Variants in KMT2E observed in about 807,000 individuals in gnomAD.
KMT2E encodes the protein lysine methyltransferase 2E (inactive).
KMT2E carries 30 observed loss-of-function variants against 184.6 expected under a neutral mutation model. That is an observed-to-expected ratio of 0.16 (90% CI 0.12 to 0.22). KMT2E has a LOEUF of 0.22. Among genes scored for constraint, KMT2E ranks in the 10% least tolerant of loss-of-function variants. The pLI, the probability that KMT2E is intolerant of heterozygous loss-of-function variation, is 1.00. For synonymous variants in KMT2E, 815 were observed against 776.5 expected (o/e 1.05, Z -0.82); for missense variants, 2,023 against 2,237.4 (o/e 0.90, Z 1.93).
At position 105,078,974 on chromosome 7, in the gene KMT2E, AG is replaced by A. The variant is rs1302283138; in HGVS notation, c.1248+12del. On this transcript the variant is annotated intron_variant, in intron 12 of 26. Transcript: ENST00000311117. The stretch of plus-strand genomic sequence containing the variant: ...ACACCCAATGCAGAGGTAAGCTTAT[AG>A]AAATTTTTTGGGGAGATGTGGGTGC... The A allele has an allele frequency of 6.5e-7, 1 of 1,534,222 alleles. No individual in the cohort carries two copies. The highest frequency in any genetic ancestry group is 9.0e-7 in the Non-Finnish European group (1 of 1,108,252).
At chr7:105,063,734 T>A (rs1796914094) in intron 5 of KMT2E, 154 bp downstream of exon 5, 1 of 585,780 alleles carries the variant, frequency 1.7e-6, no homozygotes, top group Non-Finnish European at 2.9e-6. Context: ...AAAAGCCTCC[T>A]ATGTGAAAAA....
At chr7:105,058,533 A>C (rs1413584611) in intron 3 of KMT2E, among the ~76,000 whole-genome samples, 4 of 152,200 alleles carry the variant, frequency 2.6e-5, no homozygotes, top group Non-Finnish European at 4.4e-5. Flanking sequence ...AGCAGTCAGC[A>C]CCTAAGTATT....
intron 7 of KMT2E, 55 bp downstream of exon 7, chr7:105,073,732 G>A (rs1412540173): frequency 7.8e-6 from 8 of 1,028,424 alleles, no homozygotes; most frequent in African/African-American, 3.2e-5. Flanking sequence ...GAGAATAAAC[G>A]GTTCTCTCAA....
Position 105,105,933 on chromosome 7 carries a change from A to G in KMT2E, c.2526A>G (p.Arg842=), listed in dbSNP as rs774521578. 1 of 1,613,878 alleles carries G rather than the reference A, an allele frequency of 6.2e-7. No individual in the cohort carries two copies. The highest frequency in any genetic ancestry group is 1.1e-5 in the South Asian group (1 of 91,044). Residue 842 remains arginine, a synonymous_variant, in exon 19 of 27, where the codon AGA becomes AGG. Transcript: ENST00000311117. ...LHRFNSPCQE[R]SRSPAVNGEN... ...GATTTAATTCACCCTGTCAAGAAAG[A>G]TCCAGAAGTCCTGCAGTCAATGGTG...
At chr7:105,021,128 C>G (rs1322027274) in intron 1 of KMT2E, among the ~76,000 whole-genome samples, 1 of 152,158 alleles carries the variant, frequency 6.6e-6, no homozygotes, top group Non-Finnish European at 1.5e-5. Flanking sequence ...TGGGAAGATT[C>G]ATGATGTGAC....
chr7:105,034,210 A>T (rs1489682136), intron 1 of KMT2E, among the ~76,000 whole-genome samples: 1 of 152,174 alleles, frequency 6.6e-6, no homozygotes, highest in East Asian at 1.9e-4. Flanking sequence ...AAATTGTGGT[A>T]CAATGTCCTG....
intron 1 of KMT2E, among the ~76,000 whole-genome samples, chr7:105,020,234 G>A (rs930163654): frequency 1.1e-4 from 16 of 152,178 alleles, no homozygotes; most frequent in Non-Finnish European, 2.2e-4. Flanking sequence ...AGCATTTAAG[G>A]TCATGCCTGT....
At chr7:105,019,746 G>A (rs1794870127) in intron 1 of KMT2E, among the ~76,000 whole-genome samples, 1 of 152,104 alleles carries the variant, frequency 6.6e-6, no homozygotes, top group Admixed American at 6.5e-5. Context: ...CTCTTAGGCT[G>A]CTTAATTTAG....
chr7:105,025,966 A>G (rs1795160698), intron 1 of KMT2E, among the ~76,000 whole-genome samples: 1 of 152,212 alleles, frequency 6.6e-6, no homozygotes, highest in Non-Finnish European at 1.5e-5. Context: ...ACTGTGGACA[A>G]TGCATTATTG....
intron 1 of KMT2E, among the ~76,000 whole-genome samples, chr7:105,017,896 CTGA>C (rs1794784939): frequency 6.6e-6 from 1 of 152,186 alleles, no homozygotes; most frequent in African/African-American, 2.4e-5. Flanking sequence ...CTCTGTAAGA[CTGA>C]TAACTGCCCT....
At position 105,107,815 on chromosome 7, in the gene KMT2E, A is replaced by G. The variant is rs1205531349; in HGVS notation, c.3358A>G (p.Thr1120Ala). The change falls in exon 22 of 27, where the codon ACT becomes GCT. Residue 1120 changes from threonine (T) to alanine (A), a missense_variant. By Grantham distance (58) the Thr-to-Ala change is moderately conservative. Around this residue, in one of 8 missense-constraint regions of KMT2E, gnomAD observed 1,108 missense variants for 1,050.9 expected, o/e 1.05. Transcript: ENST00000311117. Reference protein sequence around the residue: ...DDTRGMFMETTVFCTSEDGLV... With the variant: ...DDTRGMFMETAVFCTSEDGLV... ...TACTAGAGGCATGTTTATGGAAACA[A>G]CTGTGTTTTGTACTTCCGAAGATGG... 1.2e-6 allele frequency: 2 copies of G among 1,614,154 alleles called. No individual in the cohort carries two copies. Among genetic ancestry groups the G allele is most frequent in the Non-Finnish European group, 1.7e-6 (2 of 1,180,018 alleles).
intron 3 of KMT2E, among the ~76,000 whole-genome samples, chr7:105,043,294 T>G (rs1795959295): frequency 6.7e-6 from 1 of 150,084 alleles, no homozygotes; most frequent in African/African-American, 2.4e-5. Context: ...TGGAGTGCAG[T>G]GGCGGGATCT....
chr7:105,063,299 A>G (rs1796897720), intron 4 of KMT2E, 52 bp from the exon 5 acceptor site: 2 of 1,297,096 alleles, frequency 1.5e-6, no homozygotes, highest in Admixed American at 4.4e-5. Flanking sequence ...CTTGGTTTAT[A>G]TCATTGTTGA....
chr7:105,103,367 C>G (rs1180015422), intron 17 of KMT2E: 1 of 152,172 alleles, frequency 6.6e-6, no homozygotes, highest in Non-Finnish European at 1.5e-5. Context: ...ACCAAATTAT[C>G]ATGATTTCCC....
intron 22 of KMT2E, 156 bp from the exon 23 acceptor site, chr7:105,108,786 A>G: frequency 1.6e-6 from 1 of 636,726 alleles, no homozygotes; most frequent in South Asian, 2.0e-5. Flanking sequence ...GGAATATAGT[A>G]GGCATTTGGT....
intron 13 of KMT2E, among the ~76,000 whole-genome samples, chr7:105,085,075 C>G (rs1314212848): frequency 6.7e-6 from 1 of 149,086 alleles, no homozygotes; most frequent in African/African-American, 2.5e-5. Flanking sequence ...CTATATAGTT[C>G]GTCTGTTTTT....
chr7:105,094,730 A>G (rs1798334846), intron 15 of KMT2E, among the ~76,000 whole-genome samples: 1 of 152,198 alleles, frequency 6.6e-6, no homozygotes, highest in African/African-American at 2.4e-5. Context: ...CCCAGGTTTC[A>G]GTTACCCACT....
intron 19 of KMT2E, 128 bp from the exon 20 acceptor site, chr7:105,106,394 A>T: frequency 1.1e-6 from 1 of 882,926 alleles, no homozygotes; most frequent in Non-Finnish European, 1.7e-6. Context: ...TAAAACCGTG[A>T]AATTCAGTTT....
At chr7:105,079,829 CATTATTATTATTATT>C (rs111633846) in intron 12 of KMT2E, among the ~76,000 whole-genome samples, 8 of 146,752 alleles carry the variant, frequency 5.5e-5, no homozygotes, top group Admixed American at 2.0e-4. Flanking sequence ...CTTTTTAAAT[CATTATTATTATTATT>C]ATTATTATTA....
Sources: gnomAD v4.1 joint callset for allele counts (sites outside exome capture counted in the v4.1 genomes callset) on GRCh38, gnomAD v4.1.1 for gene constraint, gnomAD v4.1.1 regional missense constraint, MANE v1.5 for transcripts, NCBI Gene and HGNC (gene_info 2026-07-23, HGNC 2026-07-21) for gene names.